CRYGA: variants seen among roughly 807,000 people sequenced by gnomAD.
CRYGA encodes the protein gamma-crystallin A.
Under a neutral mutation model 13.8 loss-of-function variants are expected in CRYGA, and 11 were observed. The observed-to-expected ratio is 0.80, with a 90% CI of 0.50 to 1.32. CRYGA has a LOEUF of 1.32. Ranked by LOEUF, CRYGA falls within the 40% of genes most tolerant of loss-of-function variation. CRYGA has a pLI of 0.00. For synonymous variants in CRYGA, 97 were observed against 89.3 expected, an observed-to-expected ratio of 1.09 and a Z score of -0.48; for missense variants, 271 against 234.1, an observed-to-expected ratio of 1.16 and a Z score of -1.03.
In CRYGA at chr2:208,160,994, A is replaced by G. The variant is rs1415483266; in HGVS notation, c.335T>C (p.Val112Ala). 6.2e-7 allele frequency: 1 copy of G among 1,613,912 alleles called. No homozygotes were observed. Among genetic ancestry groups the G allele is most frequent in the Non-Finnish European group, 8.5e-7 (1 of 1,179,862 alleles). ...MSELTDDCAC[V>A]PELFRLPEIY... ...CTCAGGGAGACGGAACAGTTCTGGAACACAGGCGCAGTCATCAGTGAGCTC... is the reference window on the plus strand; with the variant it reads ...CTCAGGGAGACGGAACAGTTCTGGAGCACAGGCGCAGTCATCAGTGAGCTC... The change falls in exon 3 of 3, where the codon GTT (valine) becomes GCT (alanine). Residue 112 changes from valine to alanine, a missense_variant. Transcript: ENST00000304502.
intron 2 of CRYGA, 82 bp downstream of exon 2, chr2:208,163,122 A>C: frequency 8.0e-7 from 1 of 1,247,502 alleles, no homozygotes; most frequent in Non-Finnish European, 1.2e-6. Context: ...CCTGTGTTGG[A>C]ACAAACTGAC....
At position 208,160,937 on chromosome 2, in the gene CRYGA, C is replaced by A. The variant is rs374969217; in HGVS notation, c.392G>T (p.Trp131Leu). The A allele has an allele frequency of 1.2e-6, 2 of 1,613,868 alleles. No individual in the cohort carries two copies. The highest frequency in any genetic ancestry group is 1.7e-6 in the Non-Finnish European group (2 of 1,179,874). The change falls in exon 3 of 3, where the codon TGG becomes TTG. Residue 131 changes from tryptophan (W) to leucine (L), a missense_variant. Trp to Leu is a moderately conservative substitution (Grantham distance 61). Transcript: ENST00000304502. ...GTAGTTGGGCATTTCATAGAGGACC[C>A]AGCAGCCCTCCAGTACGTGGAGGGA... ...IYSLHVLEGC[W>L]VLYEMPNYRG... is the part of the protein sequence containing the mutation.
Position 208,161,041 on chromosome 2 carries a change from A to G in CRYGA, c.288T>C (p.Asp96=). 1 of 1,614,218 alleles carries G rather than the reference A, an allele frequency of 6.2e-7. No homozygotes were observed. Among genetic ancestry groups the G allele is most frequent in the Non-Finnish European group, 8.5e-7 (1 of 1,180,028 alleles). ...GCTCAGACATAAGGCCTCGGTAGTC[A>G]TCTCTCTCGTACAGCCTTAACTTGT... ...SSHKLRLYER[D]DYRGLMSELT... Residue 96 remains aspartate, a synonymous_variant, in exon 3 of 3, where the codon GAT becomes GAC. Transcript: ENST00000304502.
rs1178859827 is a variant in CRYGA at position 208,163,459 on chromosome 2, T to G, written c.10-13A>C. The G allele has an allele frequency of 6.2e-7, 1 of 1,612,876 alleles. No individual in the cohort carries two copies. Among genetic ancestry groups the G allele is most frequent in the South Asian group, 1.1e-5 (1 of 91,010 alleles). ...CGTAGAAGGTGATCTGAGGTAGAAA[T>G]AAGGTGACAGTAGACAGTCAGCTGG... On this transcript the variant is annotated splice_polypyrimidine_tract_variant and intron_variant, in intron 1 of 2. Coordinates refer to ENST00000304502, the MANE Select transcript of CRYGA (RefSeq NM_014617.4).
Position 208,160,809 on chromosome 2 carries a change from A to G in CRYGA, c.520T>C (p.Tyr174His). 1 of 1,602,436 alleles carries G rather than the reference A, an allele frequency of 6.2e-7. No homozygotes were observed. The highest frequency in any genetic ancestry group is 8.5e-7 in the Non-Finnish European group (1 of 1,170,068). ...CACAACAAGGCAGGCACAGCTTAGT[A>G]CAAATCGGTGACCCGTCTCAAAGAG... ...VGSLRRVTDL[Y>H] The change falls in exon 3 of 3, where the codon TAC (tyrosine) becomes CAC (histidine). Residue 174 changes from tyrosine (Y) to histidine (H), a missense_variant. Coordinates refer to ENST00000304502, the MANE Select transcript of CRYGA (RefSeq NM_014617.4).
In CRYGA at chr2:208,162,386, A is replaced by C. The variant is rs140839209; in HGVS notation, c.252+818T>G. 9.1e-3 allele frequency among the ~76,000 whole-genome samples: 1,393 copies of C among 152,306 alleles called. 12 individuals carry two copies. Among genetic ancestry groups the C allele is most frequent in the Non-Finnish European group, 0.013 (895 of 68,024 alleles). ...AATCCTAATCAATTGTGTGTCTCTG[A>C]TATTTATAAGAAACTAGTTGATAAT... On this transcript the variant is annotated intron_variant, in intron 2 of 2. Transcript: ENST00000304502.
chr2:208,162,237 G>A (rs1319728288), intron 2 of CRYGA, among the ~76,000 whole-genome samples: 3 of 152,124 alleles, frequency 2.0e-5, no homozygotes, highest in Non-Finnish European at 4.4e-5. Context: ...GAGCCTGGCC[G>A]TGATTTCAAT....
Position 208,163,296 on chromosome 2 carries a change from G to C in CRYGA, c.160C>G (p.His54Asp), listed in dbSNP as rs374282720. 9 of 1,614,066 alleles carry C rather than the reference G, an allele frequency of 5.6e-6. No individual in the cohort carries two copies. The African/African-American group carries it at 1.2e-4, about 22-fold the overall frequency. Residue 54 changes from histidine to aspartate, a missense_variant, in exon 2 of 3, where the codon CAC becomes GAC. His to Asp is a moderately conservative substitution (Grantham distance 81). Transcript: ENST00000304502. ...MLYERPNYQG[H>D]QYFLRRGKYP... ...TTGCCTCGGCGCAGGAAGTACTGGT[G>C]GCCCTGGTAATTGGGACGCTCATAG...
Position 208,163,190 on chromosome 2 carries a change from G to A in CRYGA, c.252+14C>T. The stretch of plus-strand genomic sequence containing the variant: ...TTGATGCTTTCACATCAGTCAAGTT[G>A]AAGCAAGACTCACATGAGGAATTAT... On this transcript the variant is annotated intron_variant, in intron 2 of 2. Coordinates refer to ENST00000304502, the MANE Select transcript of CRYGA (RefSeq NM_014617.4). 6.2e-7 allele frequency: 1 copy of A among 1,603,870 alleles called. No homozygotes were observed. Among genetic ancestry groups the A allele is most frequent in the Non-Finnish European group, 8.5e-7 (1 of 1,172,310 alleles).
rs1365794100 is a variant in CRYGA at position 208,160,882 on chromosome 2, C to T, written c.447G>A (p.Gly149=). The T allele has an allele frequency of 1.9e-6, 3 of 1,612,768 alleles. No homozygotes were observed. The highest frequency in any genetic ancestry group is 4.5e-5 in the East Asian group (2 of 44,860). Residue 149 remains glycine (G), a synonymous_variant, in exon 3 of 3, where the codon GGG becomes GGA. Coordinates refer to ENST00000304502, the MANE Select transcript of CRYGA (RefSeq NM_014617.4). ...YRGRQYLLRP[G]DYRRYHDWGG... The stretch of plus-strand genomic sequence containing the variant: ...CCCAGTCGTGGTACCTTCTGTAGTC[C>T]CCAGGCCTCAGCAGATACTGCCGCC...
chr2:208,163,232 G>C lies in CRYGA; in HGVS notation c.224C>G (p.Ser75Trp). The C allele has an allele frequency of 1.9e-6, 3 of 1,613,708 alleles. No individual in the cohort carries two copies. The highest frequency in any genetic ancestry group is 2.2e-5 in the East Asian group (1 of 44,858). The change falls in exon 2 of 3, where the codon TCG becomes TGG. Residue 75 changes from serine to tryptophan, a missense_variant. By Grantham distance (177) the Ser-to-Trp change is radical. Coordinates refer to ENST00000304502, the MANE Select transcript of CRYGA (RefSeq NM_014617.4). ...AGGAATTATACGGCAGGATTGGACC[G>C]AGTCGCTGAGGCCCATCCAGTGCTG... ...DYQHWMGLSD[S>W]VQSCRIIPHT...
At chr2:208,161,477 TTTGAAACATGGTTTTTTAAACCAG>T (rs2105881882) in intron 2 of CRYGA, among the ~76,000 whole-genome samples, 1 of 64,864 alleles carries the variant, frequency 1.5e-5, no homozygotes, top group East Asian at 5.3e-4. Context: ...TTGCACCTGG[TTTGAAACATGGTTTTTTAAACCAG>T]TTGATAAAGT....
In CRYGA at chr2:208,160,919, G is replaced by A. The variant is rs757171734; in HGVS notation, c.410C>T (p.Pro137Leu). Residue 137 changes from proline (P) to leucine (L), a missense_variant, in exon 3 of 3, where the codon CCC becomes CTC. Physicochemically the swap from Pro to Leu is moderately conservative, Grantham distance 98 (BLOSUM62 -3). Coordinates refer to ENST00000304502, the MANE Select transcript of CRYGA (RefSeq NM_014617.4). ...CAGATACTGCCGCCCCCGGTAGTTGGGCATTTCATAGAGGACCCAGCAGCC... is the reference window on the plus strand; with the variant it reads ...CAGATACTGCCGCCCCCGGTAGTTGAGCATTTCATAGAGGACCCAGCAGCC... ...LEGCWVLYEMPNYRGRQYLLR... is the reference protein window; with the variant it reads ...LEGCWVLYEMLNYRGRQYLLR... 34 of 1,613,614 alleles carry A rather than the reference G, an allele frequency of 2.1e-5. 1 individual carries two copies. The South Asian group carries it at 3.4e-4, about 16-fold the overall frequency.
intron 2 of CRYGA, among the ~76,000 whole-genome samples, chr2:208,161,884 T>G (rs1297530420): frequency 6.6e-6 from 1 of 152,208 alleles, no homozygotes; most frequent in East Asian, 1.9e-4. Flanking sequence ...AATGCCTATT[T>G]TATTTATACC....
intron 2 of CRYGA, among the ~76,000 whole-genome samples, chr2:208,162,716 G>T (rs1175433128): frequency 6.6e-6 from 1 of 152,062 alleles, no homozygotes; most frequent in African/African-American, 2.4e-5. Context: ...GCACATGCCT[G>T]TAATCCCAGC....
rs143962326 is a variant in CRYGA at position 208,163,232 on chromosome 2, G to T, written c.224C>A (p.Ser75Ter). 1 of 1,613,708 alleles carries T rather than the reference G, an allele frequency of 6.2e-7. No individual in the cohort carries two copies. Among genetic ancestry groups the T allele is most frequent in the Admixed American group, 1.7e-5 (1 of 59,984 alleles). Reference sequence around the variant, plus strand: ...AGGAATTATACGGCAGGATTGGACCGAGTCGCTGAGGCCCATCCAGTGCTG... The same window carrying T: ...AGGAATTATACGGCAGGATTGGACCTAGTCGCTGAGGCCCATCCAGTGCTG... The part of the protein sequence containing the change: ...DYQHWMGLSD[S>*]VQSCRIIPHT... Residue 75 changes from serine (S) to a stop codon, truncating the protein, a stop_gained, in exon 2 of 3, where the codon TCG becomes TAG. Coordinates refer to ENST00000304502, the MANE Select transcript of CRYGA (RefSeq NM_014617.4). LOFTEE classifies it low-confidence loss of function (END_TRUNC).
rs1695749337 is a variant in CRYGA, at chr2:208,161,087, A to G, written c.253-11T>C. 1 of 1,610,226 alleles carries G rather than the reference A, an allele frequency of 6.2e-7. No homozygotes were observed. Among genetic ancestry groups the G allele is most frequent in the South Asian group, 1.1e-5 (1 of 90,990 alleles). ...CTTGTGCGAGCTGGTCTGTCATGGC[A>G]ATAAACAAAAGAACAAAAATAAACA... On this transcript the variant is annotated splice_polypyrimidine_tract_variant and intron_variant, in intron 2 of 2. Transcript: ENST00000304502.
chr2:208,161,081 C>T lies in CRYGA; in HGVS notation c.253-5G>A. 1 of 1,611,756 alleles carries T rather than the reference C, an allele frequency of 6.2e-7. No homozygotes were observed. Among genetic ancestry groups the T allele is most frequent in the Admixed American group, 1.7e-5 (1 of 59,900 alleles). ...CCTTAACTTGTGCGAGCTGGTCTGT[C>T]ATGGCAATAAACAAAAGAACAAAAA... On this transcript the variant is annotated splice_region_variant and splice_polypyrimidine_tract_variant and intron_variant, in intron 2 of 2. Coordinates refer to ENST00000304502, the MANE Select transcript of CRYGA (RefSeq NM_014617.4).
rs544078956 is a variant in CRYGA, at chr2:208,161,136, A to G, written c.253-60T>C. 2,257 of 1,485,764 alleles carry G rather than the reference A, an allele frequency of 1.5e-3. 4 individuals carry two copies. Among genetic ancestry groups the G allele is most frequent in the Non-Finnish European group, 1.9e-3 (2,080 of 1,076,276 alleles). 92.0% of individuals were successfully genotyped at this position (1,485,764 alleles called of 1,614,324 possible). On this transcript the variant is annotated intron_variant, in intron 2 of 2. Coordinates refer to ENST00000304502, the MANE Select transcript of CRYGA (RefSeq NM_014617.4). The stretch of plus-strand genomic sequence containing the variant: ...CAGCATGCATCCTTGGGTGTCAACG[A>G]AAGTGACACAATCAGTCTGCATCTT...
Sources: allele counts gnomAD v4.1 joint callset (sites outside exome capture counted in the v4.1 genomes callset), GRCh38; gene constraint gnomAD v4.1.1; transcripts MANE v1.5; gene names NCBI Gene and HGNC (gene_info 2026-07-23, HGNC 2026-07-21).